The following ADGRV1 variants were observed in gnomAD, a reference collection of about 807,000 sequenced individuals.
The protein encoded by ADGRV1 is G-protein coupled receptor 98.
ADGRV1 carries 359 observed loss-of-function variants against 596.2 expected under a neutral mutation model. The ratio of observed to expected loss-of-function variants is 0.60; its 90% CI spans 0.55 to 0.66. The LOEUF (loss-of-function observed/expected upper bound fraction) is 0.66, where lower values mean the gene tolerates loss of function less well. Among genes scored for constraint, ADGRV1 ranks in the 30% least tolerant of loss-of-function variants. The probability of loss-of-function intolerance (pLI) is 0.00; values close to 1 mark genes in which losing one functional copy is unlikely to be tolerated. For missense variants in ADGRV1, 7,274 were observed against 7,575.6 expected (o/e 0.96, Z 1.48); for synonymous variants, 2,681 against 2,679.2 (o/e 1.00, Z -0.02).
intron 89 of ADGRV1, among the ~76,000 whole-genome samples, chr5:91,163,236 T>C (rs1797101080): frequency 6.6e-6 from 1 of 151,628 alleles, no homozygotes; most frequent in Admixed American, 6.6e-5. Context: ...CTGTGTTACG[T>C]AATTATTTTT....
At chr5:91,085,299 C>T (rs552744099) in intron 86 of ADGRV1, among the ~76,000 whole-genome samples, 30 of 152,318 alleles carry the variant, frequency 2.0e-4, no homozygotes, top group Non-Finnish European at 3.7e-4. Context: ...CCAACCCACT[C>T]TATGCCACAC....
chr5:90,709,802 A>C (rs953027312), intron 39 of ADGRV1, among the ~76,000 whole-genome samples: 1 of 152,238 alleles, frequency 6.6e-6, no homozygotes, highest in African/African-American at 2.4e-5. Flanking sequence ...TATTATTCAC[A>C]CTAAGACAAC....
At chr5:90,900,592 T>C (rs1425472143) in intron 83 of ADGRV1, among the ~76,000 whole-genome samples, 1 of 152,130 alleles carries the variant, frequency 6.6e-6, no homozygotes, top group Admixed American at 6.6e-5. Flanking sequence ...AAAAAAAAAT[T>C]TCGAGATCTC....
intron 61 of ADGRV1, 63 bp downstream of exon 61, chr5:90,776,639 G>C: frequency 6.6e-7 from 1 of 1,520,734 alleles, no homozygotes; most frequent in Non-Finnish European, 9.1e-7. Flanking sequence ...TAAATCATTA[G>C]TCTTAAGTTT....
At chr5:91,087,457 C>T (rs58524182) in intron 86 of ADGRV1, among the ~76,000 whole-genome samples, 23,541 of 150,622 alleles carry the variant, frequency 0.16, 2,322 homozygotes, top group African/African-American at 0.29. Context: ...CCACTGTGCC[C>T]GGCTAATTTT....
chr5:91,007,519 A>G (rs924406899), intron 85 of ADGRV1, among the ~76,000 whole-genome samples: 1 of 152,150 alleles, frequency 6.6e-6, no homozygotes, highest in African/African-American at 2.4e-5. Flanking sequence ...GAATCCTTAT[A>G]TCCTCAGAAC....
intron 87 of ADGRV1, among the ~76,000 whole-genome samples, chr5:91,119,873 GA>G (rs1345639714): frequency 6.6e-6 from 1 of 152,322 alleles, no homozygotes; most frequent in African/African-American, 2.4e-5. Flanking sequence ...TGGATTTGCA[GA>G]CAGAAGGACA....
At chr5:90,908,609 G>A (rs1247833371) in intron 83 of ADGRV1, among the ~76,000 whole-genome samples, 2 of 152,012 alleles carry the variant, frequency 1.3e-5, no homozygotes, top group Non-Finnish European at 2.9e-5. Context: ...GAATTCAGTG[G>A]TAGAATTTTA....
At chr5:90,592,945 A>G (rs1180091604) in intron 1 of ADGRV1, among the ~76,000 whole-genome samples, 4 of 152,176 alleles carry the variant, frequency 2.6e-5, no homozygotes, top group Non-Finnish European at 4.4e-5. Context: ...AAGTCAGGAA[A>G]CAACAGGTAC....
At chr5:90,940,373 G>C (rs1561974418) in intron 83 of ADGRV1, among the ~76,000 whole-genome samples, 1 of 152,268 alleles carries the variant, frequency 6.6e-6, no homozygotes, top group African/African-American at 2.4e-5. Context: ...GCCAGGTATG[G>C]TTGGCATTTA....
intron 53 of ADGRV1, 38 bp from the exon 54 acceptor site, chr5:90,753,536 T>C (rs1225083693): frequency 6.7e-7 from 1 of 1,491,862 alleles, no homozygotes; most frequent in Non-Finnish European, 9.3e-7. Context: ...TAGTGACAAT[T>C]ACAAAATAAA....
At chr5:90,710,147 A>G (rs1580819597) in intron 39 of ADGRV1, among the ~76,000 whole-genome samples, 1 of 151,916 alleles carries the variant, frequency 6.6e-6, no homozygotes. Context: ...AGAGAATTAC[A>G]CTCTCCCTAC....
At chr5:90,795,556 G>A (rs1181364620) in intron 70 of ADGRV1, among the ~76,000 whole-genome samples, 1 of 152,136 alleles carries the variant, frequency 6.6e-6, no homozygotes, top group Non-Finnish European at 1.5e-5. Flanking sequence ...GGGAAGGGGC[G>A]GCTGAAGGAG....
At chr5:90,817,932 T>A (rs1393292559) in intron 75 of ADGRV1, among the ~76,000 whole-genome samples, 1 of 152,184 alleles carries the variant, frequency 6.6e-6, no homozygotes, top group African/African-American at 2.4e-5. Context: ...TTAAAGTAGT[T>A]TTTTCCAATT....
chr5:90,893,968 A>G (rs1165660175), intron 83 of ADGRV1, among the ~76,000 whole-genome samples: 4 of 152,224 alleles, frequency 2.6e-5, no homozygotes, highest in East Asian at 1.9e-4. Context: ...TAAAGAGGAT[A>G]TCATTAAATC....
chr5:90,622,573 A>C, intron 4 of ADGRV1, 24 bp from the exon 5 acceptor site: 1 of 1,204,572 alleles, frequency 8.3e-7, no homozygotes, highest in Non-Finnish European at 1.1e-6. Flanking sequence ...GCTCCTGATC[A>C]TCTGTGCTTG....
In ADGRV1 at chr5:90,929,833, T is replaced by C. The variant is rs369108630; in HGVS notation, c.17857-35582T>C. Among the ~76,000 whole-genome samples the C allele has an allele frequency of 1.1e-4, 16 of 152,342 alleles. 1 individual carries two copies. In the East Asian group the frequency reaches 2.5e-3, roughly 24 times the overall value. On this transcript the variant is annotated intron_variant, in intron 83 of 89. Transcript: ENST00000405460. ...ACTACCTTTAAGTTGTTGACTAATA[T>C]GTAGATATGTTTCTTTTTTTCTGTA...
At chr5:91,015,041 C>T (rs961476467) in intron 85 of ADGRV1, among the ~76,000 whole-genome samples, 2 of 152,034 alleles carry the variant, frequency 1.3e-5, no homozygotes, top group African/African-American at 4.8e-5. Flanking sequence ...CCTCTTAACA[C>T]TACCTTACCT....
chr5:90,725,739 G>A, intron 48 of ADGRV1, 83 bp downstream of exon 48: 1 of 804,214 alleles, frequency 1.2e-6, no homozygotes, highest in Non-Finnish European at 2.1e-6. Context: ...GGTATGGTCT[G>A]CTGGTTTAGT....
Sources: allele counts gnomAD v4.1 joint callset (sites outside exome capture counted in the v4.1 genomes callset), GRCh38; gene constraint gnomAD v4.1.1; transcripts MANE v1.5; gene names NCBI Gene and HGNC (gene_info 2026-07-23, HGNC 2026-07-21).